VCAN: variants seen among roughly 807,000 people sequenced by gnomAD.
VCAN encodes versican, also known as versican core protein.
A neutral mutation model predicts 245.5 loss-of-function variants in VCAN; 44 were observed. That is an observed-to-expected ratio of 0.18 (90% CI 0.14 to 0.23). The LOEUF (loss-of-function observed/expected upper bound fraction) is 0.23, where lower values mean the gene tolerates loss of function less well. Among genes scored for constraint, VCAN ranks in the 10% least tolerant of loss-of-function variants. The pLI is 1.00. For synonymous variants in VCAN, 1,413 were observed against 1,437.0 expected, an observed-to-expected ratio of 0.98 and a Z score of 0.38; for missense variants, 3,793 against 4,057.9, an observed-to-expected ratio of 0.93 and a Z score of 1.77.
intron 1 of VCAN, among the ~76,000 whole-genome samples, chr5:83,477,028 G>C (rs1194897363): frequency 1.3e-5 from 2 of 152,064 alleles, no homozygotes; most frequent in African/African-American, 4.8e-5. Context: ...TTGAGGTATA[G>C]TGGAATGAGC....
At position 83,490,085 on chromosome 5, in the gene VCAN, C is replaced by A. The variant is rs541874919; in HGVS notation, c.71-13C>A. 3.1e-6 allele frequency: 5 copies of A among 1,613,186 alleles called. No homozygotes were observed. Among genetic ancestry groups the A allele is most frequent in the Non-Finnish European group, 4.2e-6 (5 of 1,179,986 alleles). ...TTTAAGATTGTTAATTTGTTATTTT[C>A]TCTTTCCTCTAGTCAAAGTGGGAAA... On this transcript the variant is annotated splice_polypyrimidine_tract_variant and intron_variant, in intron 2 of 14. Transcript: ENST00000265077.
At chr5:83,478,034 C>T (rs896503297) in intron 1 of VCAN, among the ~76,000 whole-genome samples, 1 of 150,668 alleles carries the variant, frequency 6.6e-6, no homozygotes, top group African/African-American at 2.5e-5. Context: ...CCTCCGCCTT[C>T]CAGGTTCAAG....
At chr5:83,577,566 A>G (rs930033473) in intron 13 of VCAN, among the ~76,000 whole-genome samples, 1 of 152,134 alleles carries the variant, frequency 6.6e-6, no homozygotes, top group Non-Finnish European at 1.5e-5. Context: ...TTGGCTTCCA[A>G]TAAGCCTTTA....
chr5:83,568,138 T>C (rs1049321075), intron 12 of VCAN, among the ~76,000 whole-genome samples: 1 of 152,144 alleles, frequency 6.6e-6, no homozygotes, highest in African/African-American at 2.4e-5. Context: ...AGTTAATTTT[T>C]TTTTTATATT....
intron 1 of VCAN, among the ~76,000 whole-genome samples, chr5:83,481,382 A>G (rs902170644): frequency 2.0e-5 from 3 of 151,830 alleles, no homozygotes; most frequent in African/African-American, 7.3e-5. Context: ...CATGGAATGC[A>G]TTTTCTTTAA....
chr5:83,533,624 T>A (rs569830381), intron 7 of VCAN, among the ~76,000 whole-genome samples: 1 of 152,290 alleles, frequency 6.6e-6, no homozygotes, highest in African/African-American at 2.4e-5. Flanking sequence ...AAAACCGATA[T>A]GAAGCAATGC....
At position 83,564,188 on chromosome 5, in the gene VCAN, A is replaced by T. The variant is rs939316754; in HGVS notation, c.9736-8228A>T. On this transcript the variant is annotated intron_variant, in intron 12 of 14. Transcript: ENST00000265077. Reference sequence around the variant, plus strand: ...TATCCCAGACAATCTTTTATTTTTTATTTTTATTTTTTTATTTTTGCCACA... The same window carrying T: ...TATCCCAGACAATCTTTTATTTTTTTTTTTTATTTTTTTATTTTTGCCACA... Among the ~76,000 whole-genome samples the T allele has an allele frequency of 2.6e-5, 4 of 152,088 alleles. No individual in the cohort carries two copies. In the East Asian group the frequency reaches 7.7e-4, roughly 29 times the overall value.
chr5:83,521,851 C>T lies in VCAN; in HGVS notation c.3545C>T (p.Ser1182Leu), dbSNP rs1351150049. Residue 1182 changes from serine (S) to leucine (L), a missense_variant, in exon 7 of 15, where the codon TCA becomes TTA. Physicochemically the swap from Ser to Leu is moderately radical, Grantham distance 145. Around this residue, in one of 5 missense-constraint regions of VCAN, gnomAD observed 3,182 missense variants for 3,250.3 expected, o/e 0.98. Transcript: ENST00000265077. ...TCCCTAGAGGATATTGATTTAGGCT[C>T]AGGATTATTTGAAAAGCCCAAAGCC... ...KTSLEDIDLG[S>L]GLFEKPKATE... 11 of 1,614,004 alleles carry T rather than the reference C, an allele frequency of 6.8e-6. No individual in the cohort carries two copies. Among genetic ancestry groups the T allele is most frequent in the Non-Finnish European group, 9.3e-6 (11 of 1,180,020 alleles).
chr5:83,503,934 T>C lies in VCAN; in HGVS notation c.749-8169T>C, dbSNP rs577668917. Among the ~76,000 whole-genome samples, 7 of 152,342 alleles carry C rather than the reference T, an allele frequency of 4.6e-5. No homozygotes were observed. In the East Asian group the frequency reaches 1.3e-3, roughly 29 times the overall value. Reference sequence around the variant, plus strand: ...TTTGAACACTTTGGGTCATTTTTAATGTTTTGATTTGTTTTCATCATTGCT... The same window carrying C: ...TTTGAACACTTTGGGTCATTTTTAACGTTTTGATTTGTTTTCATCATTGCT... On this transcript the variant is annotated intron_variant, in intron 5 of 14. Coordinates refer to ENST00000265077, the MANE Select transcript of VCAN (RefSeq NM_004385.5).
At chr5:83,510,526 T>TATC (rs1169856541) in intron 5 of VCAN, among the ~76,000 whole-genome samples, 1 of 152,236 alleles carries the variant, frequency 6.6e-6, no homozygotes, top group African/African-American at 2.4e-5. Context: ...AATAGTGGGC[T>TATC]ATCAACATTT....
In VCAN at chr5:83,520,168, A is replaced by T. The variant is rs1746024688; in HGVS notation, c.1862A>T (p.Asp621Val). The change falls in exon 7 of 15, where the codon GAC (aspartate) becomes GTC (valine). Residue 621 changes from aspartate (D) to valine (V), a missense_variant. Physicochemically the swap from Asp to Val is radical, Grantham distance 152 (BLOSUM62 -3). This residue lies in a region of VCAN where 3,182 missense variants were observed against 3,250.3 expected (regional missense o/e 0.98). Transcript: ENST00000265077. ...GATAATAATGGATCATCCATGGATG[A>T]CTGGGAAGAGAGACAAACTAGTGGT... is the stretch of plus-strand genomic sequence containing the variant. The part of the protein sequence containing the change: ...MPDNNGSSMD[D>V]WEERQTSGRI... 3 of 1,614,054 alleles carry T rather than the reference A, an allele frequency of 1.9e-6. No individual in the cohort carries two copies. The highest frequency in any genetic ancestry group is 2.5e-6 in the Non-Finnish European group (3 of 1,179,960).
intron 12 of VCAN, among the ~76,000 whole-genome samples, chr5:83,569,805 T>C (rs72771237): frequency 0.021 from 3,185 of 152,214 alleles, 61 homozygotes; most frequent in Non-Finnish European, 0.029. Flanking sequence ...TCTTTGACCA[T>C]AGAGAGTACC....
intron 12 of VCAN, among the ~76,000 whole-genome samples, chr5:83,571,859 A>T (rs1292261489): frequency 6.6e-6 from 1 of 152,202 alleles, no homozygotes; most frequent in Non-Finnish European, 1.5e-5. Flanking sequence ...AGATAAATAC[A>T]AAAGATAAAT....
chr5:83,551,404 A>G (rs1031063444), intron 10 of VCAN, among the ~76,000 whole-genome samples: 4 of 151,710 alleles, frequency 2.6e-5, no homozygotes, highest in African/African-American at 9.7e-5. Context: ...CCCAGCTACT[A>G]GGGAGGCTGA....
chr5:83,577,438 A>G (rs972118329), intron 13 of VCAN, among the ~76,000 whole-genome samples: 1 of 152,046 alleles, frequency 6.6e-6, no homozygotes, highest in Non-Finnish European at 1.5e-5. Context: ...GAAAATCACA[A>G]CTCGGGTCTG....
intron 5 of VCAN, among the ~76,000 whole-genome samples, chr5:83,503,215 G>A (rs1451909026): frequency 6.6e-6 from 1 of 151,826 alleles, no homozygotes; most frequent in Non-Finnish European, 1.5e-5. Context: ...AAAAAACGAT[G>A]GAGAGAGAGA....
intron 5 of VCAN, among the ~76,000 whole-genome samples, chr5:83,504,384 A>ATTTT (rs557999767): frequency 7.1e-6 from 1 of 140,964 alleles, no homozygotes; most frequent in Admixed American, 7.2e-5. Context: ...ACCTTGATGA[A>ATTTT]TTTTTTTTTT....
chr5:83,484,153 C>T (rs558466952), intron 2 of VCAN, among the ~76,000 whole-genome samples: 2 of 152,196 alleles, frequency 1.3e-5, no homozygotes, highest in South Asian at 4.1e-4. Context: ...AGATGCTATC[C>T]AAGAGTTTCA....
intron 7 of VCAN, among the ~76,000 whole-genome samples, chr5:83,533,432 G>A (rs1746597275): frequency 6.6e-6 from 1 of 152,074 alleles, no homozygotes; most frequent in South Asian, 2.1e-4. Context: ...GAGGAAGGGG[G>A]CAAGGAGAGA....
Sources: allele counts gnomAD v4.1 joint callset (sites outside exome capture counted in the v4.1 genomes callset), GRCh38; gene constraint gnomAD v4.1.1; regional missense constraint gnomAD v4.1.1; transcripts MANE v1.5; gene names NCBI Gene and HGNC (gene_info 2026-07-23, HGNC 2026-07-21).